Variants in THSD7A observed in about 807,000 individuals in gnomAD.
THSD7A encodes thrombospondin type-1 domain-containing protein 7A.
Under a neutral mutation model 231.3 loss-of-function variants are expected in THSD7A, and 96 were observed. The observed-to-expected ratio is 0.41, with a 90% CI of 0.35 to 0.49. The LOEUF (loss-of-function observed/expected upper bound fraction) is 0.49. THSD7A is among the 20% of genes least tolerant of loss of function. THSD7A has a pLI of 0.05. For missense variants in THSD7A, 2,290 were observed against 2,070.2 expected (o/e 1.11, Z -2.06); for synonymous variants, 940 against 743.3 (o/e 1.26, Z -4.30).
chr7:11,432,596 T>C (rs1193606713), intron 13 of THSD7A, among the ~76,000 whole-genome samples: 2 of 152,106 alleles, frequency 1.3e-5, no homozygotes, highest in African/African-American at 4.8e-5. Context: ...GCCTTTTCAC[T>C]CTACATTGTG....
In THSD7A at chr7:11,607,017, AT is replaced by A. The variant is rs767366614; in HGVS notation, c.1023-13516del. ...GAACTTAAAGTATAATAATAAAAAA[AT>A]ATATATATAAAAGAAAAAGGAAATG... is the stretch of plus-strand genomic sequence containing the variant. On this transcript the variant is annotated intron_variant, in intron 2 of 27. Transcript: ENST00000423059. Among the ~76,000 whole-genome samples the A allele has an allele frequency of 3.3e-4, 50 of 151,736 alleles. No homozygotes were observed. The South Asian group carries it at 3.7e-3, about 11-fold the overall frequency.
chr7:11,455,111 ACTCCC>A lies in THSD7A; in HGVS notation c.2605+5546_2605+5550del, dbSNP rs557224102. 1.3e-3 allele frequency among the ~76,000 whole-genome samples: 198 copies of A among 150,588 alleles called. 1 individual carries two copies. Among genetic ancestry groups the A allele is most frequent in the Middle Eastern group, 0.01 (3 of 290 alleles). On this transcript the variant is annotated intron_variant, in intron 11 of 27. Transcript: ENST00000423059. ...TTCTCTCTCTGTCTCTCTCTCTCTC[ACTCCC>A]CTTGCTTTCTCTCTCTGCCTTGTTT... is the stretch of plus-strand genomic sequence containing the variant.
chr7:11,538,179 G>T (rs2128321596), intron 6 of THSD7A, among the ~76,000 whole-genome samples: 1 of 152,294 alleles, frequency 6.6e-6, no homozygotes, highest in African/African-American at 2.4e-5. Context: ...AAGGAAGATA[G>T]CATAGAAGTT....
chr7:11,685,485 G>T (rs745963536), intron 1 of THSD7A, among the ~76,000 whole-genome samples: 3 of 151,844 alleles, frequency 2.0e-5, no homozygotes, highest in Admixed American at 6.6e-5. Context: ...TCTGACAAAG[G>T]CCTAATATCC....
chr7:11,456,694 T>C (rs1257605781), intron 11 of THSD7A, among the ~76,000 whole-genome samples: 1 of 152,050 alleles, frequency 6.6e-6, no homozygotes, highest in Non-Finnish European at 1.5e-5. Flanking sequence ...GGGTCTGTCC[T>C]AACTACTCAA....
Position 11,447,352 on chromosome 7 carries a change from G to A in THSD7A, c.2678C>T (p.Pro893Leu), listed in dbSNP as rs1356127390. 5 of 1,612,456 alleles carry A rather than the reference G, an allele frequency of 3.1e-6. No individual in the cohort carries two copies. Among genetic ancestry groups the A allele is most frequent in the Non-Finnish European group, 4.2e-6 (5 of 1,179,220 alleles). Residue 893 changes from proline to leucine, a missense_variant, in exon 12 of 28, where the codon CCA becomes CTA. By Grantham distance (98) the Pro-to-Leu change is moderately conservative. Coordinates refer to ENST00000423059, the MANE Select transcript of THSD7A (RefSeq NM_015204.3). ...GATCTGGCAGGCCTGGGTAAGGGCT[G>A]GCACAGGGCCTGCATACTGTAGGCA... Reference protein sequence around the residue: ...HECLQYAGPVPALTQACQIPC... With the variant: ...HECLQYAGPVLALTQACQIPC...
At chr7:11,650,728 G>A (rs1329153578) in intron 1 of THSD7A, among the ~76,000 whole-genome samples, 1 of 152,096 alleles carries the variant, frequency 6.6e-6, no homozygotes, top group African/African-American at 2.4e-5. Flanking sequence ...ACAAGAGTGA[G>A]CGAAGGCAGA....
intron 2 of THSD7A, among the ~76,000 whole-genome samples, chr7:11,629,334 A>G (rs1018988300): frequency 7.2e-5 from 11 of 152,252 alleles, no homozygotes; most frequent in African/African-American, 2.6e-4. Flanking sequence ...GCCATCTACC[A>G]TCTACCAAAG....
intron 1 of THSD7A, among the ~76,000 whole-genome samples, chr7:11,724,277 T>A (rs1368551314): frequency 6.6e-6 from 1 of 151,882 alleles, no homozygotes; most frequent in Non-Finnish European, 1.5e-5. Context: ...CTATATCAAT[T>A]TCTAGTATAG....
intron 1 of THSD7A, among the ~76,000 whole-genome samples, chr7:11,678,055 A>C (rs1783711789): frequency 6.6e-6 from 1 of 152,086 alleles, no homozygotes; most frequent in Non-Finnish European, 1.5e-5. Context: ...CAAAAACGCA[A>C]AACTACATGG....
chr7:11,671,836 A>T (rs1364894797), intron 1 of THSD7A, among the ~76,000 whole-genome samples: 1 of 152,082 alleles, frequency 6.6e-6, no homozygotes, highest in Non-Finnish European at 1.5e-5. Flanking sequence ...ACATTTTTTC[A>T]TTCTGTGGTT....
Position 11,372,894 on chromosome 7 carries a change from A to G in THSD7A, c.*2900T>C, listed in dbSNP as rs143803231. ...TTTTCATGTTATAAACATGAATATA[A>G]TAACCTTCCCTTTGTCCAAAATAGC... On this transcript the variant is annotated 3_prime_UTR_variant, in exon 28 of 28. Transcript: ENST00000423059. The G allele has an allele frequency of 2.4e-4, 36 of 152,180 alleles. No homozygotes were observed. Among genetic ancestry groups the G allele is most frequent in the African/African-American group, 7.9e-4 (33 of 41,554 alleles). The allele number at this position is 152,180 out of a possible 1,614,324, so 9.4% of individuals were successfully genotyped here. A position where few individuals can be genotyped will look rare whatever the true frequency, so the allele number is the denominator to read the frequency against.
At chr7:11,784,088 A>G (rs942482112) in intron 1 of THSD7A, among the ~76,000 whole-genome samples, 2 of 152,024 alleles carry the variant, frequency 1.3e-5, no homozygotes, top group African/African-American at 2.4e-5. Flanking sequence ...AAATAAAAGT[A>G]AACATATCCT....
intron 1 of THSD7A, among the ~76,000 whole-genome samples, chr7:11,678,022 G>A (rs1032778722): frequency 6.6e-6 from 1 of 152,120 alleles, no homozygotes; most frequent in Non-Finnish European, 1.5e-5. Flanking sequence ...AATCAAATTA[G>A]AACTCAGGGT....
At chr7:11,721,422 C>G (rs150277746) in intron 1 of THSD7A, among the ~76,000 whole-genome samples, 22 of 151,898 alleles carry the variant, frequency 1.4e-4, no homozygotes, top group African/African-American at 4.6e-4. Flanking sequence ...TCCTCCTTCT[C>G]TAGCCATGTA....
chr7:11,391,335 A>G (rs1056294267), intron 23 of THSD7A, among the ~76,000 whole-genome samples: 3 of 152,192 alleles, frequency 2.0e-5, no homozygotes, highest in African/African-American at 4.8e-5. Context: ...TGGCCACAGC[A>G]GACTTGCTGA....
intron 1 of THSD7A, among the ~76,000 whole-genome samples, chr7:11,735,014 G>C (rs912065321): frequency 3.3e-5 from 5 of 151,854 alleles, no homozygotes; most frequent in African/African-American, 1.2e-4. Flanking sequence ...TTTTCTGTAA[G>C]AACCCTCTGC....
rs1180111281 is a variant in THSD7A at position 11,509,796 on chromosome 7, T to C, written c.1823-27814A>G. Among the ~76,000 whole-genome samples, 49 of 55,466 alleles carry C rather than the reference T, an allele frequency of 8.8e-4. 3 individuals carry two copies. The Admixed American group carries it at 9.0e-3, about 10-fold the overall frequency. 36.4% of individuals were successfully genotyped at this position (55,466 alleles called of 152,430 possible). On this transcript the variant is annotated intron_variant, in intron 6 of 27. Coordinates refer to ENST00000423059, the MANE Select transcript of THSD7A (RefSeq NM_015204.3). ...GAGATCAGGCCACTGCACTCCAGCC[T>C]GGGCGACAGAGCCAGAGTCCGTCTC...
At chr7:11,557,330 A>T (rs7781076) in intron 4 of THSD7A, among the ~76,000 whole-genome samples, 18,313 of 151,996 alleles carry the variant, frequency 0.12, 2,280 homozygotes, top group African/African-American at 0.31. Context: ...TCTTTTTTAC[A>T]TCTTCAATTA....
Sources: gnomAD v4.1 joint callset for allele counts (sites outside exome capture counted in the v4.1 genomes callset) on GRCh38, gnomAD v4.1.1 for gene constraint, MANE v1.5 for transcripts, NCBI Gene and HGNC (gene_info 2026-07-23, HGNC 2026-07-21) for gene names.